The following TCF7L1 variants were observed in gnomAD, a reference collection of about 807,000 sequenced individuals.
The protein encoded by TCF7L1 is transcription factor 7 like 1.
A neutral mutation model predicts 63.7 loss-of-function variants in TCF7L1; 18 were observed. The ratio of observed to expected loss-of-function variants is 0.28; its 90% CI spans 0.20 to 0.42. TCF7L1 has a LOEUF of 0.42. Ranked by LOEUF, TCF7L1 falls within the 10% of genes least tolerant of loss-of-function variation. The pLI is 1.00. For missense variants in TCF7L1, 654 were observed against 779.3 expected, an observed-to-expected ratio of 0.84 and a Z score of 1.91; for synonymous variants, 355 against 340.9, an observed-to-expected ratio of 1.04 and a Z score of -0.46.
chr2:85,248,743 T>C (rs1333716665), intron 3 of TCF7L1, among the ~76,000 whole-genome samples: 2 of 152,212 alleles, frequency 1.3e-5, no homozygotes, highest in African/African-American at 2.4e-5. Flanking sequence ...CCACCCACTT[T>C]GGTGGATAAC....
At chr2:85,169,080 A>G (rs1045939686) in intron 3 of TCF7L1, among the ~76,000 whole-genome samples, 6 of 152,114 alleles carry the variant, frequency 3.9e-5, no homozygotes, top group African/African-American at 1.4e-4. Context: ...TCATTTCATA[A>G]CTTCATTTCT....
intron 3 of TCF7L1, among the ~76,000 whole-genome samples, chr2:85,225,928 C>G (rs1679945319): frequency 6.6e-6 from 1 of 152,098 alleles, no homozygotes; most frequent in Non-Finnish European, 1.5e-5. Context: ...ATAAATAGCT[C>G]TTATTATTTT....
intron 3 of TCF7L1, among the ~76,000 whole-genome samples, chr2:85,157,135 TAG>T (rs767339717): frequency 2.0e-5 from 3 of 152,186 alleles, no homozygotes; most frequent in Non-Finnish European, 2.9e-5. Context: ...GAAGAGGCCT[TAG>T]AGACCCATTT....
intron 3 of TCF7L1, among the ~76,000 whole-genome samples, chr2:85,245,097 A>T (rs1020670758): frequency 2.0e-5 from 3 of 152,174 alleles, no homozygotes; most frequent in African/African-American, 7.2e-5. Flanking sequence ...CAGATTCCAG[A>T]ATAGAATCTG....
At chr2:85,290,130 C>T (rs1344959290) in intron 4 of TCF7L1, among the ~76,000 whole-genome samples, 1 of 152,066 alleles carries the variant, frequency 6.6e-6, no homozygotes, top group Non-Finnish European at 1.5e-5. Flanking sequence ...AGGCGCCTGC[C>T]ACCACACATG....
intron 3 of TCF7L1, among the ~76,000 whole-genome samples, chr2:85,282,934 A>C (rs1329354946): frequency 6.6e-6 from 1 of 151,988 alleles, no homozygotes; most frequent in African/African-American, 2.4e-5. Flanking sequence ...GAGACGCTAT[A>C]ATGAAGGAAA....
chr2:85,154,125 G>A (rs1369055964), intron 3 of TCF7L1, among the ~76,000 whole-genome samples: 3 of 152,172 alleles, frequency 2.0e-5, no homozygotes, highest in African/African-American at 7.2e-5. Context: ...TGGCTCGCTG[G>A]TTTGTGCTAT....
At chr2:85,151,541 T>G (rs1266480946) in intron 3 of TCF7L1, among the ~76,000 whole-genome samples, 1 of 152,200 alleles carries the variant, frequency 6.6e-6, no homozygotes, top group Non-Finnish European at 1.5e-5. Context: ...TTACCTCATT[T>G]GCAGTTTCAA....
At chr2:85,207,086 G>A (rs566529099) in intron 3 of TCF7L1, among the ~76,000 whole-genome samples, 1 of 152,292 alleles carries the variant, frequency 6.6e-6, no homozygotes, top group East Asian at 1.9e-4. Context: ...AGAACAAATA[G>A]GAATTTAAAC....
intron 4 of TCF7L1, among the ~76,000 whole-genome samples, chr2:85,300,830 A>G (rs956090661): frequency 6.7e-6 from 1 of 149,894 alleles, no homozygotes; most frequent in African/African-American, 2.5e-5. Context: ...CCCAGGCTGG[A>G]GTGCAGTGGC....
At chr2:85,288,683 G>A (rs1178129660) in intron 4 of TCF7L1, among the ~76,000 whole-genome samples, 2 of 152,330 alleles carry the variant, frequency 1.3e-5, no homozygotes, top group East Asian at 1.9e-4. Context: ...GGTGCGGGAT[G>A]AAGTTAAGTG....
chr2:85,263,807 C>T (rs1680910502), intron 3 of TCF7L1, among the ~76,000 whole-genome samples: 1 of 152,196 alleles, frequency 6.6e-6, no homozygotes, highest in Non-Finnish European at 1.5e-5. Flanking sequence ...GAGGAGACTA[C>T]CCAGAGAACA....
At chr2:85,161,148 A>G (rs1264532997) in intron 3 of TCF7L1, among the ~76,000 whole-genome samples, 1 of 152,172 alleles carries the variant, frequency 6.6e-6, no homozygotes, top group Non-Finnish European at 1.5e-5. Flanking sequence ...AACAGCTTCA[A>G]CGCATGAACC....
chr2:85,242,389 G>T (rs1285105170), intron 3 of TCF7L1, among the ~76,000 whole-genome samples: 1 of 152,210 alleles, frequency 6.6e-6, no homozygotes, highest in Non-Finnish European at 1.5e-5. Context: ...CCTTCTTTCT[G>T]GGATGGCTCA....
intron 3 of TCF7L1, among the ~76,000 whole-genome samples, chr2:85,220,633 G>A (rs1401483943): frequency 6.6e-6 from 1 of 151,878 alleles, no homozygotes; most frequent in East Asian, 1.9e-4. Flanking sequence ...CAAAGTGCTG[G>A]GATTACAGGC....
At chr2:85,276,558 C>A (rs939751995) in intron 3 of TCF7L1, among the ~76,000 whole-genome samples, 2 of 152,186 alleles carry the variant, frequency 1.3e-5, no homozygotes, top group Non-Finnish European at 2.9e-5. Flanking sequence ...TCCATTCTGC[C>A]ACAGTTGCAG....
intron 4 of TCF7L1, among the ~76,000 whole-genome samples, chr2:85,299,189 A>C (rs914665261): frequency 6.6e-6 from 1 of 152,040 alleles, no homozygotes; most frequent in Non-Finnish European, 1.5e-5. Context: ...ATGAGCAATC[A>C]GGATTTGCTA....
chr2:85,142,927 C>T (rs1677779695), intron 3 of TCF7L1, among the ~76,000 whole-genome samples: 1 of 152,214 alleles, frequency 6.6e-6, no homozygotes, highest in Non-Finnish European at 1.5e-5. Flanking sequence ...AAATAAATTT[C>T]AAACTTCTAA....
intron 3 of TCF7L1, among the ~76,000 whole-genome samples, chr2:85,196,058 C>CAA (rs770199740): frequency 2.6e-5 from 4 of 152,150 alleles, no homozygotes; most frequent in Non-Finnish European, 5.9e-5. Flanking sequence ...ACAATAGTCA[C>CAA]AAAACCAGAG....
Sources: gnomAD v4.1 joint callset for allele counts (sites outside exome capture counted in the v4.1 genomes callset) on GRCh38, gnomAD v4.1.1 for gene constraint, MANE v1.5 for transcripts, NCBI Gene and HGNC (gene_info 2026-07-23, HGNC 2026-07-21) for gene names.